SSH2: variants seen among roughly 807,000 people sequenced by gnomAD.
The protein encoded by SSH2 is protein phosphatase Slingshot homolog 2.
SSH2 carries 37 observed loss-of-function variants against 135.2 expected under a neutral mutation model. The ratio of observed to expected loss-of-function variants is 0.27; its 90% CI spans 0.21 to 0.36. The LOEUF (loss-of-function observed/expected upper bound fraction) is 0.36. SSH2 is among the 10% of genes least tolerant of loss of function. SSH2 has a pLI of 1.00. For synonymous variants in SSH2, 628 were observed against 646.2 expected, an observed-to-expected ratio of 0.97 and a Z score of 0.43; for missense variants, 1,408 against 1,765.3, an observed-to-expected ratio of 0.80 and a Z score of 3.63.
intron 3 of SSH2, among the ~76,000 whole-genome samples, chr17:29,707,267 A>G (rs1316003838): frequency 6.6e-6 from 1 of 152,200 alleles, no homozygotes; most frequent in Non-Finnish European, 1.5e-5. Context: ...TTTAAAGCAT[A>G]TCTAAATGTG....
chr17:29,917,019 TAAA>T (rs777648253), intron 1 of SSH2, among the ~76,000 whole-genome samples: 5 of 129,570 alleles, frequency 3.9e-5, no homozygotes, highest in Admixed American at 8.0e-5. Flanking sequence ...TCTGTAGCAG[TAAA>T]AAAAAAAAAA....
At chr17:29,705,674 C>T (rs537067589) in intron 3 of SSH2, among the ~76,000 whole-genome samples, 11 of 152,218 alleles carry the variant, frequency 7.2e-5, no homozygotes, top group Non-Finnish European at 1.0e-4. Context: ...TACAGGACTA[C>T]TCCTCTGATC....
intron 8 of SSH2, among the ~76,000 whole-genome samples, chr17:29,674,410 A>C (rs902427837): frequency 2.6e-5 from 4 of 152,210 alleles, no homozygotes; most frequent in African/African-American, 9.6e-5. Flanking sequence ...ATGTTTCTTC[A>C]TCTAGGAAAC....
At chr17:29,820,096 G>A (rs113606224) in intron 2 of SSH2, among the ~76,000 whole-genome samples, 9 of 151,794 alleles carry the variant, frequency 5.9e-5, no homozygotes, top group African/African-American at 1.2e-4. Context: ...TCTATTTTAC[G>A]TGAACCAGTC....
At chr17:29,804,542 T>G (rs1055551895) in intron 2 of SSH2, among the ~76,000 whole-genome samples, 1 of 152,222 alleles carries the variant, frequency 6.6e-6, no homozygotes, top group African/African-American at 2.4e-5. Context: ...CAATCCTTAT[T>G]CCACTTTTTA....
chr17:29,771,074 C>T (rs932381934), intron 3 of SSH2, among the ~76,000 whole-genome samples: 7 of 152,192 alleles, frequency 4.6e-5, no homozygotes, highest in African/African-American at 1.4e-4. Context: ...TTTGAACCTA[C>T]GTCTTCTGAT....
chr17:29,861,759 A>G (rs1478635595), intron 1 of SSH2, among the ~76,000 whole-genome samples: 1 of 152,008 alleles, frequency 6.6e-6, no homozygotes, highest in Non-Finnish European at 1.5e-5. Context: ...AGGTTTCACT[A>G]TGTTAGCCAG....
At position 29,635,692 on chromosome 17, in the gene SSH2, G is replaced by T. The variant is rs774086455; in HGVS notation, c.2262+276C>A. Among the ~76,000 whole-genome samples the T allele has an allele frequency of 3.3e-5, 5 of 152,332 alleles. No individual in the cohort carries two copies. In the East Asian group the frequency reaches 5.8e-4, roughly 18 times the overall value. On this transcript the variant is annotated intron_variant, in intron 15 of 15. Coordinates refer to ENST00000540801, the MANE Select transcript of SSH2 (RefSeq NM_001282129.2). ...CAAAGTGCTGGGATTACAGGTGTGA[G>T]CCACCGCGCCTGGTCATCTTTGGAC...
intron 1 of SSH2, among the ~76,000 whole-genome samples, chr17:29,852,613 G>A (rs183843570): frequency 4.0e-5 from 6 of 151,258 alleles, no homozygotes; most frequent in African/African-American, 1.5e-4. Flanking sequence ...GTACAGTGGC[G>A]CAATCTTTGC....
intron 2 of SSH2, among the ~76,000 whole-genome samples, chr17:29,840,319 A>G (rs1230921540): frequency 2.0e-5 from 3 of 152,224 alleles, no homozygotes; most frequent in African/African-American, 4.8e-5. Context: ...TGTTTCAAAA[A>G]TACAACTCTG....
chr17:29,796,427 A>G (rs2042157195), intron 2 of SSH2, among the ~76,000 whole-genome samples: 1 of 152,104 alleles, frequency 6.6e-6, no homozygotes, highest in South Asian at 2.1e-4. Flanking sequence ...TACAACCTCC[A>G]CCTCGTGGGT....
intron 4 of SSH2, among the ~76,000 whole-genome samples, chr17:29,696,174 T>TAC (rs199942164): frequency 0.015 from 2,055 of 137,106 alleles, 22 homozygotes; most frequent in Middle Eastern, 0.031. Context: ...TGTATATATA[T>TAC]ACACACACAC....
At chr17:29,700,227 C>T (rs892923015) in intron 4 of SSH2, among the ~76,000 whole-genome samples, 1 of 152,224 alleles carries the variant, frequency 6.6e-6, no homozygotes, top group South Asian at 2.1e-4. Flanking sequence ...CATAAGTGGT[C>T]AAAGTGGCCC....
In SSH2 at chr17:29,637,177, C is replaced by T. The variant is rs2035946024; in HGVS notation, c.1428-375G>A. 2.6e-5 allele frequency among the ~76,000 whole-genome samples: 4 copies of T among 152,258 alleles called. No individual in the cohort carries two copies. In the East Asian group the frequency reaches 7.7e-4, roughly 29 times the overall value. ...TAGGCTGCAGTGCAGCGGCTTACTG[C>T]AATCTCTGCCTCCCAGGTTCAAGCA... On this transcript the variant is annotated intron_variant, in intron 14 of 15. Transcript: ENST00000540801.
chr17:29,785,020 A>G (rs1598994916), intron 3 of SSH2, among the ~76,000 whole-genome samples: 1 of 152,076 alleles, frequency 6.6e-6, no homozygotes, highest in East Asian at 1.9e-4. Context: ...TTCCCTTATA[A>G]AGACCAAATT....
chr17:29,726,871 G>GT (rs932918438), intron 3 of SSH2, among the ~76,000 whole-genome samples: 1 of 152,076 alleles, frequency 6.6e-6, no homozygotes, highest in African/African-American at 2.4e-5. Context: ...CTCAAAATAG[G>GT]TTTTTTCCAC....
At chr17:29,642,224 CT>C (rs1313589179) in intron 14 of SSH2, among the ~76,000 whole-genome samples, 2 of 152,100 alleles carry the variant, frequency 1.3e-5, no homozygotes, top group Non-Finnish European at 1.5e-5. Flanking sequence ...TGTGCATCAG[CT>C]AACTAGACCT....
chr17:29,669,338 A>G (rs1189561124), intron 9 of SSH2, among the ~76,000 whole-genome samples: 1 of 152,248 alleles, frequency 6.6e-6, no homozygotes, highest in Non-Finnish European at 1.5e-5. Flanking sequence ...AGTGCTGGGC[A>G]TAACACCAGA....
At chr17:29,651,788 G>C (rs1214487590) in intron 12 of SSH2, among the ~76,000 whole-genome samples, 2 of 152,114 alleles carry the variant, frequency 1.3e-5, no homozygotes, top group African/African-American at 4.8e-5. Context: ...GACACGAATT[G>C]AATCTGTTTT....
Sources: allele counts gnomAD v4.1 joint callset (sites outside exome capture counted in the v4.1 genomes callset), GRCh38; gene constraint gnomAD v4.1.1; transcripts MANE v1.5; gene names NCBI Gene and HGNC (gene_info 2026-07-23, HGNC 2026-07-21).